The following WHRN variants were observed in gnomAD, a reference collection of about 807,000 sequenced individuals.
The protein encoded by WHRN is whirlin.
In WHRN, 41 loss-of-function variants were observed where a neutral mutation model predicts 68.3. The ratio of observed to expected loss-of-function variants is 0.60; its 90% CI spans 0.47 to 0.78. The LOEUF (loss-of-function observed/expected upper bound fraction) is 0.78. Ranked by LOEUF, WHRN falls within the 30% of genes least tolerant of loss-of-function variation. The pLI, the probability that WHRN is intolerant of heterozygous loss-of-function variation, is 0.00. For synonymous variants in WHRN, 560 were observed against 561.3 expected, an observed-to-expected ratio of 1.00 and a Z score of 0.03; for missense variants, 1,243 against 1,244.7, an observed-to-expected ratio of 1.00 and a Z score of 0.02.
intron 1 of WHRN, among the ~76,000 whole-genome samples, chr9:114,502,811 T>TG (rs1326908086): frequency 6.6e-6 from 1 of 152,214 alleles, no homozygotes; most frequent in Non-Finnish European, 1.5e-5. Context: ...ATTTATCATC[T>TG]GGGAACTCCA....
Position 114,424,454 on chromosome 9 carries a change from G to A in WHRN, c.1296C>T (p.His432=). ...TRVLLEEQAR[H]LLNEQEHATM... ...TGGCGTGTTCCTGCTCGTTCAGCAG[G>A]TGCCGAGCCTGCTCCTCCAGCAGCA... The change falls in exon 6 of 12, where the codon CAC becomes CAT. Residue 432 remains histidine (H), a synonymous_variant. Coordinates refer to ENST00000362057, the MANE Select transcript of WHRN (RefSeq NM_015404.4). 3 of 1,613,808 alleles carry A rather than the reference G, an allele frequency of 1.9e-6. No homozygotes were observed. The highest frequency in any genetic ancestry group is 1.1e-5 in the South Asian group (1 of 91,064).
intron 3 of WHRN, among the ~76,000 whole-genome samples, chr9:114,457,926 A>G (rs1839944801): frequency 6.6e-6 from 1 of 152,030 alleles, no homozygotes; most frequent in East Asian, 1.9e-4. Context: ...AAAAAAAAAA[A>G]AAAAAGTGGG....
intron 3 of WHRN, among the ~76,000 whole-genome samples, chr9:114,444,167 GT>G (rs1035337956): frequency 5.9e-5 from 9 of 152,210 alleles, no homozygotes; most frequent in African/African-American, 2.2e-4. Context: ...ATGAGGAAGG[GT>G]TAGTGGGGCA....
intron 2 of WHRN, among the ~76,000 whole-genome samples, chr9:114,470,086 A>G (rs1288551071): frequency 2.0e-5 from 3 of 152,220 alleles, no homozygotes; most frequent in Admixed American, 1.3e-4. Flanking sequence ...CACATCTGCA[A>G]CATCCCTTTT....
intron 2 of WHRN, among the ~76,000 whole-genome samples, chr9:114,474,994 A>T (rs140618548): frequency 2.1e-4 from 32 of 152,270 alleles, no homozygotes; most frequent in African/African-American, 6.0e-4. Flanking sequence ...TCAAAACAAC[A>T]GAATAACAGG....
chr9:114,422,894 G>T (rs540463748), intron 7 of WHRN, among the ~76,000 whole-genome samples: 1 of 152,214 alleles, frequency 6.6e-6, no homozygotes, highest in East Asian at 1.9e-4. Flanking sequence ...GTGGCCTCTT[G>T]GGGAAAATAA....
In WHRN at chr9:114,478,771, C is replaced by T; in HGVS notation, c.619G>A (p.Ala207Thr). ...ARVTHAEAVKALKGSKKLVLS... is the reference protein window; with the variant it reads ...ARVTHAEAVKTLKGSKKLVLS... The stretch of plus-strand genomic sequence containing the variant: ...ACCAGCTTCTTGGAGCCCTTCAGAG[C>T]CTAGGGAGAGAGGGATACAAAGGTT... The change falls in exon 2 of 12, where the codon GCT becomes ACT. Residue 207 changes from alanine (A) to threonine (T), a missense_variant and splice_region_variant. By Grantham distance (58) the Ala-to-Thr change is moderately conservative. Transcript: ENST00000362057. The T allele has an allele frequency of 6.2e-7, 1 of 1,610,452 alleles. No homozygotes were observed. The highest frequency in any genetic ancestry group is 8.5e-7 in the Non-Finnish European group (1 of 1,179,506).
chr9:114,486,057 A>T (rs1380521906), intron 1 of WHRN, among the ~76,000 whole-genome samples: 1 of 152,172 alleles, frequency 6.6e-6, no homozygotes, highest in Non-Finnish European at 1.5e-5. Context: ...AAGATTTAAG[A>T]AACTGTAAAC....
rs1158884691 is a variant in WHRN at position 114,403,920 on chromosome 9, C to T, written c.2394G>A (p.Arg798=). 5.0e-6 allele frequency: 8 copies of T among 1,611,132 alleles called. No individual in the cohort carries two copies. Among genetic ancestry groups the T allele is most frequent in the Non-Finnish European group, 6.8e-6 (8 of 1,180,018 alleles). Residue 798 remains arginine, a synonymous_variant, in exon 10 of 12, where the codon AGG becomes AGA. Transcript: ENST00000362057. ...CCGGTTTGTTGGCCCCATCTGTGGG[C>T]CTCTCGTTCCGAGGCAGCTCCTTGC... ...RSSKELPRNE[R]PTDGANKPPG...
intron 1 of WHRN, among the ~76,000 whole-genome samples, chr9:114,489,906 CAT>C (rs34260648): frequency 0.41 from 62,458 of 152,010 alleles, 14,563 homozygotes; most frequent in East Asian, 0.59. Flanking sequence ...TCTAAGAACA[CAT>C]GTCATTTGTA....
In WHRN at chr9:114,504,841, T is replaced by A; in HGVS notation, c.-40A>T. On this transcript the variant is annotated 5_prime_UTR_variant, in exon 1 of 12. Coordinates refer to ENST00000362057, the MANE Select transcript of WHRN (RefSeq NM_015404.4). ...CCGGCCGGGCTCTGAGCGCGCGGGGTGTGGGCGGTGCCGCTGTCCTCGCGG... is the reference window on the plus strand; with the variant it reads ...CCGGCCGGGCTCTGAGCGCGCGGGGAGTGGGCGGTGCCGCTGTCCTCGCGG... 1 of 1,366,154 alleles carries A rather than the reference T, an allele frequency of 7.3e-7. No individual in the cohort carries two copies. Among genetic ancestry groups the A allele is most frequent in the Non-Finnish European group, 9.3e-7 (1 of 1,070,772 alleles). 84.6% of individuals were successfully genotyped at this position (1,366,154 alleles called of 1,614,324 possible).
chr9:114,417,700 C>G (rs1009630092), intron 7 of WHRN, among the ~76,000 whole-genome samples: 1 of 152,226 alleles, frequency 6.6e-6, no homozygotes, highest in African/African-American at 2.4e-5. Context: ...CAAAAGCTTA[C>G]TAATATGTGG....
At chr9:114,479,414 C>T (rs1304924308) in intron 1 of WHRN, among the ~76,000 whole-genome samples, 1 of 152,190 alleles carries the variant, frequency 6.6e-6, no homozygotes, top group Non-Finnish European at 1.5e-5. Context: ...CCAATGCACC[C>T]TTTCCCCGTG....
Position 114,504,739 on chromosome 9 carries a change from C to T in WHRN, c.63G>A (p.Ala21=). The T allele has an allele frequency of 1.3e-6, 2 of 1,508,708 alleles. No homozygotes were observed. 93.5% of individuals were successfully genotyped at this position (1,508,708 alleles called of 1,614,324 possible). The change falls in exon 1 of 12, where the codon GCG becomes GCA. Residue 21 remains alanine (A), a synonymous_variant. Transcript: ENST00000362057. ...CGCCCCCGCCGCCGCCCGCCCCGGC[C>T]GCCGAGCCCAGCGAGCCGGTGGAGG... is the stretch of plus-strand genomic sequence containing the variant. The part of the protein sequence containing the change: ...SSSSTGSLGS[A]AGAGGGGGAG...
chr9:114,458,240 T>C lies in WHRN; in HGVS notation c.963+8027A>G, dbSNP rs1211304956. ...ACACAGTGGCTTGGGATCCTTCTTG[T>C]TTGTTCTGTTCCTTTTATGATTCAA... On this transcript the variant is annotated intron_variant, in intron 3 of 11. Coordinates refer to ENST00000362057, the MANE Select transcript of WHRN (RefSeq NM_015404.4). Among the ~76,000 whole-genome samples the C allele has an allele frequency of 3.3e-5, 5 of 152,130 alleles. No individual in the cohort carries two copies. In the South Asian group the frequency reaches 1.0e-3, roughly 31 times the overall value.
intron 1 of WHRN, among the ~76,000 whole-genome samples, chr9:114,482,297 A>G (rs1842152484): frequency 6.6e-6 from 1 of 152,214 alleles, no homozygotes; most frequent in Non-Finnish European, 1.5e-5. Flanking sequence ...GTTAACATCC[A>G]CAGGCATTCT....
chr9:114,496,607 T>C (rs960105035), intron 1 of WHRN, among the ~76,000 whole-genome samples: 1 of 152,160 alleles, frequency 6.6e-6, no homozygotes, highest in Non-Finnish European at 1.5e-5. Context: ...AGGCAGTCCA[T>C]ACCATTTTTC....
At position 114,430,123 on chromosome 9, in the gene WHRN, C is replaced by T. The variant is rs1837283760; in HGVS notation, c.964-3710G>A. Among the ~76,000 whole-genome samples the T allele has an allele frequency of 2.0e-5, 3 of 152,194 alleles. No homozygotes were observed. In the South Asian group the frequency reaches 6.2e-4, roughly 32 times the overall value. On this transcript the variant is annotated intron_variant, in intron 3 of 11. Coordinates refer to ENST00000362057, the MANE Select transcript of WHRN (RefSeq NM_015404.4). The stretch of plus-strand genomic sequence containing the variant: ...CCTGCAGTTTAGTTAAAGGAACGGG[C>T]ATCCAAGAGACCAGCTACGGAAGGG...
chr9:114,422,526 G>C (rs1025726811), intron 7 of WHRN, among the ~76,000 whole-genome samples: 3 of 152,192 alleles, frequency 2.0e-5, no homozygotes, highest in Non-Finnish European at 4.4e-5. Flanking sequence ...TGGGGGGCTG[G>C]TGAGTCTGCA....
Sources: allele counts gnomAD v4.1 joint callset (sites outside exome capture counted in the v4.1 genomes callset), GRCh38; gene constraint gnomAD v4.1.1; transcripts MANE v1.5; gene names NCBI Gene and HGNC (gene_info 2026-07-23, HGNC 2026-07-21).